The following XKR4 variants were observed in gnomAD, a reference collection of about 807,000 sequenced individuals.
The protein encoded by XKR4 is XK-related protein 4.
A neutral mutation model predicts 53.9 loss-of-function variants in XKR4; 12 were observed. That is an observed-to-expected ratio of 0.22 (90% CI 0.14 to 0.36). The LOEUF (loss-of-function observed/expected upper bound fraction) is 0.36. Ranked by LOEUF, XKR4 falls within the 10% of genes least tolerant of loss-of-function variation. XKR4 has a pLI of 1.00. For synonymous variants in XKR4, 354 were observed against 362.4 expected, an observed-to-expected ratio of 0.98 and a Z score of 0.26; for missense variants, 799 against 859.5, an observed-to-expected ratio of 0.93 and a Z score of 0.88.
intron 1 of XKR4, among the ~76,000 whole-genome samples, chr8:55,305,048 G>A (rs2129377428): frequency 6.6e-6 from 1 of 152,210 alleles, no homozygotes; most frequent in Non-Finnish European, 1.5e-5. Context: ...GAAATGATGG[G>A]AGAGAGAGGC....
chr8:55,426,888 T>C (rs927278144), intron 2 of XKR4, among the ~76,000 whole-genome samples: 2 of 152,218 alleles, frequency 1.3e-5, no homozygotes, highest in African/African-American at 2.4e-5. Flanking sequence ...AGAGATAAAA[T>C]TGATTTTTAA....
At chr8:55,522,202 A>G (rs1585618243) in intron 2 of XKR4, among the ~76,000 whole-genome samples, 1 of 152,248 alleles carries the variant, frequency 6.6e-6, no homozygotes, top group Non-Finnish European at 1.5e-5. Flanking sequence ...GGAAAACAAT[A>G]CAAATGACTT....
chr8:55,190,667 G>T (rs1489871198), intron 1 of XKR4, among the ~76,000 whole-genome samples: 1 of 152,118 alleles, frequency 6.6e-6, no homozygotes, highest in Non-Finnish European at 1.5e-5. Context: ...ATTTGAAAAG[G>T]CATAATAATT....
rs577163351 is a variant in XKR4 at position 55,455,157 on chromosome 8, G to A, written c.1007-68124G>A. 889 of 563,308 alleles carry A rather than the reference G, an allele frequency of 1.6e-3. 3 individuals are homozygous for A. The highest frequency in any genetic ancestry group is 1.6e-3 in the Non-Finnish European group (499 of 303,448). 34.9% of individuals were successfully genotyped at this position (563,308 alleles called of 1,614,324 possible). A position where few individuals can be genotyped will look rare whatever the true frequency, so the allele number is the denominator to read the frequency against. ...CGCGCCATGGGGAGGGACGCTGGGC[G>A]GGCTCCGCGGCTCGGGGACTCGAGG... On this transcript the variant is annotated intron_variant, in intron 2 of 2. Transcript: ENST00000327381.
intron 1 of XKR4, among the ~76,000 whole-genome samples, chr8:55,254,669 C>T (rs932788399): frequency 6.6e-6 from 1 of 152,088 alleles, no homozygotes. Flanking sequence ...GGCTGGGGAA[C>T]GATATGCCAA....
chr8:55,395,495 G>A (rs1804504066), intron 2 of XKR4, among the ~76,000 whole-genome samples: 1 of 152,068 alleles, frequency 6.6e-6, no homozygotes, highest in Non-Finnish European at 1.5e-5. Context: ...CAGAAGGCTG[G>A]GGAAGCAGAT....
chr8:55,440,956 G>A (rs928996653), intron 2 of XKR4, among the ~76,000 whole-genome samples: 1 of 151,516 alleles, frequency 6.6e-6, no homozygotes, highest in East Asian at 1.9e-4. Context: ...GCTCATGCCT[G>A]TAATCCCAAT....
rs76705379 is a variant in XKR4, at chr8:55,138,813, T to C, written c.806+35519T>C. 2.7e-3 allele frequency among the ~76,000 whole-genome samples: 415 copies of C among 152,296 alleles called. 3 individuals are homozygous for C. The highest frequency in any genetic ancestry group is 9.8e-3 in the African/African-American group (406 of 41,558). On this transcript the variant is annotated intron_variant, in intron 1 of 2. Transcript: ENST00000327381. Reference sequence around the variant, plus strand: ...GCTTCATTTTGCTCACTTTTTATTTTTTTGGAGATGAGAGTAAATTGATGT... The same window carrying C: ...GCTTCATTTTGCTCACTTTTTATTTCTTTGGAGATGAGAGTAAATTGATGT...
At chr8:55,237,830 C>T (rs771085584) in intron 1 of XKR4, among the ~76,000 whole-genome samples, 1 of 152,144 alleles carries the variant, frequency 6.6e-6, no homozygotes, top group African/African-American at 2.4e-5. Context: ...TGATTTATGA[C>T]TGACTCCTTG....
At chr8:55,311,568 T>A (rs1261359402) in intron 1 of XKR4, among the ~76,000 whole-genome samples, 1 of 152,052 alleles carries the variant, frequency 6.6e-6, no homozygotes, top group Admixed American at 6.6e-5. Flanking sequence ...TGTAGGCTCT[T>A]AGGGTCTAAC....
In XKR4 at chr8:55,129,908, G is replaced by A. The variant is rs866524581; in HGVS notation, c.806+26614G>A. Reference sequence around the variant, plus strand: ...CGTGTGGAAGAAATGGTCTGTGTTGGGTGGAGAAAGGAGGAGACAGGTGCA... The same window carrying A: ...CGTGTGGAAGAAATGGTCTGTGTTGAGTGGAGAAAGGAGGAGACAGGTGCA... On this transcript the variant is annotated intron_variant, in intron 1 of 2. Transcript: ENST00000327381. 5.3e-5 allele frequency among the ~76,000 whole-genome samples: 8 copies of A among 152,246 alleles called. 1 individual carries two copies. In the South Asian group the frequency reaches 1.5e-3, roughly 28 times the overall value.
chr8:55,515,316 G>A (rs1806695950), intron 2 of XKR4, among the ~76,000 whole-genome samples: 4 of 152,206 alleles, frequency 2.6e-5, no homozygotes, highest in Admixed American at 2.0e-4. Flanking sequence ...CAGGGATACT[G>A]AGAAAGCCCT....
chr8:55,159,564 C>T (rs1158630625), intron 1 of XKR4, among the ~76,000 whole-genome samples: 2 of 152,038 alleles, frequency 1.3e-5, no homozygotes, highest in South Asian at 2.1e-4. Context: ...TATATAAGAA[C>T]AGTTTAAAGG....
chr8:55,484,694 C>T (rs1806166825), intron 2 of XKR4, among the ~76,000 whole-genome samples: 1 of 152,172 alleles, frequency 6.6e-6, no homozygotes, highest in Non-Finnish European at 1.5e-5. Context: ...ACATTTGAAT[C>T]ATTAGATTGA....
Position 55,523,638 on chromosome 8 carries a change from G to C in XKR4, c.1364G>C (p.Cys455Ser), listed in dbSNP as rs1394044175. ...AATGTCAAGGAAGGCAGGACACGCT[G>C]CAGGCTATTCATTTACTATTTTGTG... Reference protein sequence around the residue: ...WFNVKEGRTRCRLFIYYFVIL... With the variant: ...WFNVKEGRTRSRLFIYYFVIL... Residue 455 changes from cysteine to serine, a missense_variant, in exon 3 of 3, where the codon TGC becomes TCC. Cys to Ser is a moderately radical substitution (Grantham distance 112). This residue lies in a region of XKR4 where 269 missense variants were observed against 264.4 expected (regional missense o/e 1.02). Transcript: ENST00000327381. The C allele has an allele frequency of 1.9e-6, 3 of 1,614,092 alleles. No homozygotes were observed. Among genetic ancestry groups the C allele is most frequent in the Non-Finnish European group, 2.5e-6 (3 of 1,180,032 alleles).
chr8:55,479,256 T>C (rs373625755), intron 2 of XKR4, among the ~76,000 whole-genome samples: 12 of 151,898 alleles, frequency 7.9e-5, no homozygotes, highest in Non-Finnish European at 1.5e-4. Context: ...CACTCAAAAC[T>C]GCTCAACTAC....
chr8:55,351,137 A>G (rs764059810), intron 1 of XKR4, among the ~76,000 whole-genome samples: 1 of 152,288 alleles, frequency 6.6e-6, no homozygotes, highest in African/African-American at 2.4e-5. Context: ...TGAACTGCAC[A>G]CTTAAAATAA....
intron 2 of XKR4, among the ~76,000 whole-genome samples, chr8:55,482,255 A>G (rs1806120913): frequency 6.6e-6 from 1 of 152,168 alleles, no homozygotes; most frequent in African/African-American, 2.4e-5. Context: ...AGGGACATGG[A>G]TGAAGCTGGA....
At chr8:55,461,600 C>A (rs1480736298) in intron 2 of XKR4, among the ~76,000 whole-genome samples, 7 of 152,204 alleles carry the variant, frequency 4.6e-5, no homozygotes, top group African/African-American at 1.7e-4. Flanking sequence ...AGCTCCTCAC[C>A]AGCAACGGAA....
Sources: allele counts gnomAD v4.1 joint callset (sites outside exome capture counted in the v4.1 genomes callset), GRCh38; gene constraint gnomAD v4.1.1; regional missense constraint gnomAD v4.1.1; transcripts MANE v1.5; gene names NCBI Gene and HGNC (gene_info 2026-07-23, HGNC 2026-07-21).